Variants in AKAP13 observed in about 807,000 individuals in gnomAD.
AKAP13 encodes the protein A-kinase anchoring protein 13.
A neutral mutation model predicts 264.5 loss-of-function variants in AKAP13; 80 were observed. The ratio of observed to expected loss-of-function variants is 0.30; its 90% CI spans 0.25 to 0.36. AKAP13 has a LOEUF of 0.36. Among genes scored for constraint, AKAP13 ranks in the 10% least tolerant of loss-of-function variants. AKAP13 has a pLI of 1.00. For synonymous variants in AKAP13, 1,380 were observed against 1,250.2 expected (o/e 1.10, Z -2.19); for missense variants, 3,712 against 3,435.2 (o/e 1.08, Z -2.01).
intron 1 of AKAP13, among the ~76,000 whole-genome samples, chr15:85,471,706 A>C (rs2074968015): frequency 6.6e-6 from 1 of 152,192 alleles, no homozygotes; most frequent in South Asian, 2.1e-4. Flanking sequence ...CCAGGCAAGC[A>C]CTGGTTTACA....
At chr15:85,425,285 C>CT (rs998753818) in intron 1 of AKAP13, among the ~76,000 whole-genome samples, 1 of 151,988 alleles carries the variant, frequency 6.6e-6, no homozygotes, top group African/African-American at 2.4e-5. Context: ...TTGAGATTAC[C>CT]TTTTTGTTAT....
At chr15:85,423,034 T>C (rs926776440) in intron 1 of AKAP13, among the ~76,000 whole-genome samples, 2 of 152,238 alleles carry the variant, frequency 1.3e-5, no homozygotes, top group Non-Finnish European at 2.9e-5. Flanking sequence ...CATCTAAAAC[T>C]GTACATCCCT....
chr15:85,597,415 T>C (rs1222073437), intron 8 of AKAP13, among the ~76,000 whole-genome samples: 1 of 152,168 alleles, frequency 6.6e-6, no homozygotes, highest in African/African-American at 2.4e-5. Flanking sequence ...CTCTCCAGTG[T>C]TTCTGCTGGA....
intron 30 of AKAP13, among the ~76,000 whole-genome samples, chr15:85,731,388 T>C (rs1249433824): frequency 1.3e-5 from 2 of 152,224 alleles, no homozygotes; most frequent in Non-Finnish European, 2.9e-5. Context: ...TTTTTTGATA[T>C]GCATCTTAAA....
chr15:85,526,136 TAAAA>T (rs1414555583), intron 3 of AKAP13, among the ~76,000 whole-genome samples: 2 of 152,306 alleles, frequency 1.3e-5, no homozygotes, highest in African/African-American at 2.4e-5. Context: ...GATTTGTCAT[TAAAA>T]AAGAATAATA....
At chr15:85,457,014 G>A (rs528732594) in intron 1 of AKAP13, among the ~76,000 whole-genome samples, 4 of 152,166 alleles carry the variant, frequency 2.6e-5, no homozygotes, top group East Asian at 3.9e-4. Context: ...TTCTAGTTAC[G>A]TTTTCTTGTA....
chr15:85,745,033 C>T lies in AKAP13; in HGVS notation c.*356C>T, dbSNP rs919032013. On this transcript the variant is annotated 3_prime_UTR_variant, in exon 37 of 37. Coordinates refer to ENST00000394518, the MANE Select transcript of AKAP13 (RefSeq NM_007200.5). ...TGTATCCAAGTAAGGTCTGAACCTC[C>T]GAATGCCTTTTATTTGGGGGAACAC... The T allele has an allele frequency of 5.9e-5, 12 of 204,510 alleles. No homozygotes were observed. The highest frequency in any genetic ancestry group is 1.9e-4 in the African/African-American group (8 of 43,002). The allele number at this position is 204,510 out of a possible 1,614,324, so 12.7% of individuals were successfully genotyped here.
intron 4 of AKAP13, among the ~76,000 whole-genome samples, 180 bp from the exon 5 acceptor site, chr15:85,543,592 C>G (rs1426150136): frequency 6.6e-6 from 1 of 152,134 alleles, no homozygotes; most frequent in Non-Finnish European, 1.5e-5. Context: ...TTTGTTTTGC[C>G]TTTACTTGAG....
intron 8 of AKAP13, among the ~76,000 whole-genome samples, chr15:85,613,691 A>AAAAAAAATATATATATATAT (rs1313187436): frequency 1.1e-5 from 1 of 91,968 alleles, no homozygotes; most frequent in African/African-American, 4.6e-5. Context: ...AAAAAAAAAA[A>AAAAAAAATATATATATATAT]ATATATATAT....
intron 5 of AKAP13, among the ~76,000 whole-genome samples, chr15:85,544,977 C>G (rs764394830): frequency 2.0e-5 from 3 of 152,216 alleles, no homozygotes; most frequent in Admixed American, 2.0e-4. Context: ...GTGCTACTTA[C>G]GGTTATGTAA....
At chr15:85,657,181 A>T (rs2083137895) in intron 11 of AKAP13, among the ~76,000 whole-genome samples, 1 of 150,812 alleles carries the variant, frequency 6.6e-6, no homozygotes, top group Non-Finnish European at 1.5e-5. Context: ...ATAATAATTG[A>T]TGTAAACAGC....
At chr15:85,440,802 C>G (rs2073609935) in intron 1 of AKAP13, among the ~76,000 whole-genome samples, 1 of 152,162 alleles carries the variant, frequency 6.6e-6, no homozygotes, top group Non-Finnish European at 1.5e-5. Context: ...TTTCTCACCT[C>G]TACCAAGGTA....
At chr15:85,409,626 GTTTT>G in intron 1 of AKAP13, among the ~76,000 whole-genome samples, 1 of 129,968 alleles carries the variant, frequency 7.7e-6, no homozygotes, top group South Asian at 2.5e-4. Context: ...GCTAGTAGTA[GTTTT>G]TTTTTTTTTT....
At position 85,724,551 on chromosome 15, in the gene AKAP13, G is replaced by A. The variant is rs1458646699; in HGVS notation, c.6745+1231G>A. 6.6e-6 allele frequency among the ~76,000 whole-genome samples: 1 copy of A among 151,824 alleles called. No homozygotes were observed. Among genetic ancestry groups the A allele is most frequent in the Non-Finnish European group, 1.5e-5 (1 of 67,986 alleles). ...GCAGAGTGAATGACAGGGGAGTGAC[G>A]GGAAACCAGCCCAAAGAAACGGGAG... On this transcript the variant is annotated intron_variant, in intron 26 of 36. Coordinates refer to ENST00000394518, the MANE Select transcript of AKAP13 (RefSeq NM_007200.5). This position sits in a 1 kb window ranked among gnomAD's most constrained non-coding sequence, Gnocchi z 4.2.
intron 1 of AKAP13, among the ~76,000 whole-genome samples, chr15:85,415,819 TAATA>T (rs1009754008): frequency 1.4e-4 from 22 of 152,216 alleles, no homozygotes; most frequent in Admixed American, 1.0e-3. Context: ...TCCCTTTGGT[TAATA>T]AATAAATGTG....
At chr15:85,541,570 G>A (rs1364092098) in intron 4 of AKAP13, among the ~76,000 whole-genome samples, 2 of 152,178 alleles carry the variant, frequency 1.3e-5, no homozygotes, top group Admixed American at 1.3e-4. Context: ...GAAACAGGGT[G>A]GAGTAATGGA....
rs1411283383 is a variant in AKAP13, at chr15:85,579,810, C to T, written c.1742C>T (p.Pro581Leu). The T allele has an allele frequency of 4.3e-6, 7 of 1,614,206 alleles. No homozygotes were observed. Among genetic ancestry groups the T allele is most frequent in the Non-Finnish European group, 3.4e-6 (4 of 1,180,040 alleles). The change falls in exon 7 of 37, where the codon CCA (proline) becomes CTA (leucine). Residue 581 changes from proline (P) to leucine (L), a missense_variant. Around this residue, in one of 3 missense-constraint regions of AKAP13, gnomAD observed 2,759 missense variants for 2,411.7 expected, o/e 1.14. Coordinates refer to ENST00000394518, the MANE Select transcript of AKAP13 (RefSeq NM_007200.5). ...AGTCGTGAGGAGAGTGCTGATGCTCCAGTAGATCAGAATTCTGTGGTGATT... is the reference window on the plus strand; with the variant it reads ...AGTCGTGAGGAGAGTGCTGATGCTCTAGTAGATCAGAATTCTGTGGTGATT... ...SRSREESADA[P>L]VDQNSVVIPA...
chr15:85,396,897 T>C (rs987900654), intron 1 of AKAP13, among the ~76,000 whole-genome samples: 1 of 146,058 alleles, frequency 6.8e-6, no homozygotes, highest in Non-Finnish European at 1.5e-5. Context: ...TCTCGTATGT[T>C]AGACTTTTTT....
intron 1 of AKAP13, among the ~76,000 whole-genome samples, chr15:85,483,644 A>AAAAAC (rs1567080835): frequency 6.3e-5 from 8 of 127,066 alleles, no homozygotes; most frequent in South Asian, 2.4e-4. Flanking sequence ...AAAAAAAAAA[A>AAAAAC]AAAAAAACAC....
Sources: gnomAD v4.1 joint callset for allele counts (sites outside exome capture counted in the v4.1 genomes callset) on GRCh38, gnomAD v4.1.1 for gene constraint, gnomAD v4.1.1 regional missense constraint, Gnocchi (gnomAD v3.1) non-coding constraint, MANE v1.5 for transcripts, NCBI Gene and HGNC (gene_info 2026-07-23, HGNC 2026-07-21) for gene names.